The following LRBA variants were observed in gnomAD, a reference collection of about 807,000 sequenced individuals.
LRBA encodes the protein LPS responsive beige-like anchor protein.
LRBA carries 176 observed loss-of-function variants against 330.0 expected under a neutral mutation model. The observed-to-expected ratio is 0.53, with a 90% CI of 0.47 to 0.60. The LOEUF (loss-of-function observed/expected upper bound fraction) is 0.60. Among genes scored for constraint, LRBA ranks in the 20% least tolerant of loss-of-function variants. The pLI is 0.00. For synonymous variants in LRBA, 1,230 were observed against 1,193.0 expected (o/e 1.03, Z -0.64); for missense variants, 3,259 against 3,444.8 (o/e 0.95, Z 1.35).
At chr4:150,670,749 AT>A (rs1781979496) in intron 37 of LRBA, among the ~76,000 whole-genome samples, 1 of 152,200 alleles carries the variant, frequency 6.6e-6, no homozygotes, top group South Asian at 2.1e-4. Context: ...ATAAATTCAC[AT>A]TGATATTTCA....
chr4:150,914,158 C>T, intron 9 of LRBA, 37 bp downstream of exon 9: 2 of 1,543,434 alleles, frequency 1.3e-6, no homozygotes, highest in Non-Finnish European at 1.8e-6. Context: ...TCAAGCTGAA[C>T]TAACATTGGT....
intron 25 of LRBA, 29 bp downstream of exon 25, chr4:150,849,393 C>A: frequency 6.2e-7 from 1 of 1,607,794 alleles, no homozygotes; most frequent in South Asian, 1.1e-5. Flanking sequence ...TGTTTTCACA[C>A]CAATTTTCTA....
chr4:150,478,858 T>C (rs1227676516), intron 42 of LRBA, among the ~76,000 whole-genome samples: 5 of 152,222 alleles, frequency 3.3e-5, no homozygotes, highest in African/African-American at 1.2e-4. Context: ...ATATCCTTCC[T>C]GTCACTTATC....
intron 34 of LRBA, among the ~76,000 whole-genome samples, chr4:150,773,405 G>A (rs1736844309): frequency 5.3e-5 from 8 of 152,236 alleles, no homozygotes; most frequent in Admixed American, 5.2e-4. Flanking sequence ...TTAGGTGCCA[G>A]GGAATGTGTC....
intron 50 of LRBA, among the ~76,000 whole-genome samples, chr4:150,320,880 A>T (rs1581004380): frequency 6.6e-6 from 1 of 152,282 alleles, no homozygotes; most frequent in African/African-American, 2.4e-5. Flanking sequence ...GAAACATTTG[A>T]TAAATAAATA....
chr4:150,443,708 CA>C (rs758241212), intron 44 of LRBA, among the ~76,000 whole-genome samples: 41 of 151,434 alleles, frequency 2.7e-4, no homozygotes, highest in Non-Finnish European at 5.3e-4. Context: ...GGGGTGGGAG[CA>C]GGGGGGAGGG....
chr4:150,808,416 C>T lies in LRBA; in HGVS notation c.5306-18G>A. On this transcript the variant is annotated intron_variant, in intron 31 of 56. Coordinates refer to ENST00000651943, the MANE Select transcript of LRBA (RefSeq NM_001364905.1). ...TCTACTGCCTATAAAAGAAAAATAACCATCTATAGGAATTTTCTGCTTTTA... is the reference window on the plus strand; with the variant it reads ...TCTACTGCCTATAAAAGAAAAATAATCATCTATAGGAATTTTCTGCTTTTA... 6.9e-7 allele frequency: 1 copy of T among 1,455,060 alleles called. No individual in the cohort carries two copies. Among genetic ancestry groups the T allele is most frequent in the Non-Finnish European group, 9.6e-7 (1 of 1,038,414 alleles). 90.1% of individuals were successfully genotyped at this position (1,455,060 alleles called of 1,614,324 possible).
At chr4:150,439,428 G>C (rs574976826) in intron 44 of LRBA, among the ~76,000 whole-genome samples, 1 of 152,074 alleles carries the variant, frequency 6.6e-6, no homozygotes, top group East Asian at 1.9e-4. Context: ...TCTGAAGCCT[G>C]CTATACGACA....
intron 40 of LRBA, among the ~76,000 whole-genome samples, chr4:150,522,705 C>T (rs550575733): frequency 1.1e-4 from 16 of 152,334 alleles, no homozygotes; most frequent in Middle Eastern, 3.4e-3. Flanking sequence ...CAGTTCAGGC[C>T]ACCTCTCTGG....
At chr4:150,908,635 G>C in intron 10 of LRBA, 25 bp downstream of exon 10, 2 of 1,585,190 alleles carry the variant, frequency 1.3e-6, no homozygotes, top group Non-Finnish European at 1.7e-6. Context: ...CATTATAAAT[G>C]TTCTTAAAAG....
At chr4:150,821,280 CTTA>C (rs1485595476) in intron 30 of LRBA, among the ~76,000 whole-genome samples, 15 of 152,018 alleles carry the variant, frequency 9.9e-5, no homozygotes, top group African/African-American at 2.2e-4. Context: ...AAAAATTGTT[CTTA>C]TTATCATTTT....
intron 42 of LRBA, among the ~76,000 whole-genome samples, chr4:150,480,070 C>G (rs1421103017): frequency 6.6e-6 from 1 of 152,164 alleles, no homozygotes; most frequent in Non-Finnish European, 1.5e-5. Flanking sequence ...GAATATGTTT[C>G]AATCAATAGA....
At chr4:150,456,669 T>A (rs946772849) in intron 44 of LRBA, among the ~76,000 whole-genome samples, 1 of 152,138 alleles carries the variant, frequency 6.6e-6, no homozygotes, top group Non-Finnish European at 1.5e-5. Context: ...GCAGAAGCCT[T>A]TTTAACTTGA....
In LRBA at chr4:150,538,831, C is replaced by CA. The variant is rs1554050349; in HGVS notation, c.6331-47797dup. Among the ~76,000 whole-genome samples the CA allele has an allele frequency of 4.3e-3, 606 of 141,406 alleles. 7 individuals are homozygous for CA. The highest frequency in any genetic ancestry group is 0.015 in the African/African-American group (579 of 38,266). The allele number at this position is 141,406 out of a possible 152,430, so 92.8% of individuals were successfully genotyped here. On this transcript the variant is annotated intron_variant, in intron 40 of 56. Transcript: ENST00000651943. ...CCCTGTCTCAAAAAAAAAAAAAAAA[C>CA]AAAAAACTACCTATTGGGTATTATG...
intron 40 of LRBA, among the ~76,000 whole-genome samples, chr4:150,564,736 A>G (rs1768899125): frequency 6.6e-6 from 1 of 152,200 alleles, no homozygotes; most frequent in Admixed American, 6.5e-5. Flanking sequence ...ATGAACAGAC[A>G]CTTCTCAAAA....
chr4:150,929,090 ATT>A, intron 2 of LRBA, 25 bp from the exon 3 acceptor site: 3 of 1,433,128 alleles, frequency 2.1e-6, no homozygotes, highest in Non-Finnish European at 2.9e-6. Context: ...AAAAAAACAC[ATT>A]AAAAGCATTA....
chr4:150,698,363 T>C (rs1227258611), intron 36 of LRBA, among the ~76,000 whole-genome samples: 1 of 152,196 alleles, frequency 6.6e-6, no homozygotes, highest in Non-Finnish European at 1.5e-5. Flanking sequence ...AGGCTTGATA[T>C]ATCTATGAGG....
At chr4:150,375,231 C>T (rs1305406629) in intron 47 of LRBA, among the ~76,000 whole-genome samples, 2 of 152,118 alleles carry the variant, frequency 1.3e-5, no homozygotes, top group Non-Finnish European at 2.9e-5. Context: ...AATGTGACCC[C>T]GTTCTCCTCC....
At chr4:150,433,288 T>C (rs1398864103) in intron 46 of LRBA, among the ~76,000 whole-genome samples, 7 of 152,078 alleles carry the variant, frequency 4.6e-5, no homozygotes, top group Non-Finnish European at 1.0e-4. Context: ...AGGTAGGGTA[T>C]TTTAAAGAAT....
Sources: allele counts gnomAD v4.1 joint callset (sites outside exome capture counted in the v4.1 genomes callset), GRCh38; gene constraint gnomAD v4.1.1; transcripts MANE v1.5; gene names NCBI Gene and HGNC (gene_info 2026-07-23, HGNC 2026-07-21).